VPS35L: variants seen among roughly 807,000 people sequenced by gnomAD.
VPS35L encodes the protein VPS35 endosomal protein sorting factor like.
Under a neutral mutation model 133.0 loss-of-function variants are expected in VPS35L, and 83 were observed. That is an observed-to-expected ratio of 0.62 (90% CI 0.52 to 0.75). The LOEUF (loss-of-function observed/expected upper bound fraction) is 0.75. Among genes scored for constraint, VPS35L ranks in the 30% least tolerant of loss-of-function variants. The pLI is 0.00. For synonymous variants in VPS35L, 423 were observed against 449.9 expected (o/e 0.94, Z 0.76); for missense variants, 1,083 against 1,206.8 (o/e 0.90, Z 1.52).
intron 26 of VPS35L, among the ~76,000 whole-genome samples, chr16:19,663,875 T>C (rs567403055): frequency 6.6e-6 from 1 of 152,232 alleles, no homozygotes; most frequent in African/African-American, 2.4e-5. Context: ...TTTCAGCTTC[T>C]GTCTGCATCT....
At chr16:19,642,074 G>A (rs1206781712) in intron 21 of VPS35L, among the ~76,000 whole-genome samples, 1 of 152,156 alleles carries the variant, frequency 6.6e-6, no homozygotes, top group African/African-American at 2.4e-5. Flanking sequence ...GCTGGGTGTG[G>A]TGACGCACGT....
intron 27 of VPS35L, among the ~76,000 whole-genome samples, chr16:19,680,147 C>T (rs1975217488): frequency 6.6e-6 from 1 of 152,200 alleles, no homozygotes. Flanking sequence ...CCTTGGGCCA[C>T]TTACCCTCTC....
chr16:19,653,517 G>A lies in VPS35L; in HGVS notation c.2221+1427G>A, dbSNP rs9934838. On this transcript the variant is annotated intron_variant, in intron 26 of 30. Transcript: ENST00000417362. ...ACTTGCTTGGGGTAGATCCACTCCT[G>A]AGTCACTGAACCAGCTCTCAGCCCC... 8.1e-3 allele frequency among the ~76,000 whole-genome samples: 1,240 copies of A among 152,292 alleles called. 17 individuals are homozygous for A. Among genetic ancestry groups the A allele is most frequent in the African/African-American group, 0.028 (1,158 of 41,554 alleles).
chr16:19,639,939 A>C lies in VPS35L; in HGVS notation c.1699-76A>C. The C allele has an allele frequency of 7.7e-7, 1 of 1,302,994 alleles. No homozygotes were observed. The highest frequency in any genetic ancestry group is 1.9e-5 in the Admixed American group (1 of 52,176). 80.7% of individuals were successfully genotyped at this position (1,302,994 alleles called of 1,614,324 possible). On this transcript the variant is annotated intron_variant, in intron 20 of 30. Transcript: ENST00000417362. The surrounding 1 kb of genome is among the most constrained non-coding windows in gnomAD (Gnocchi z 4.1). ...TCTGTTCTGCTTCTTTGAACTCCAC[A>C]GAAAAAGAGACCCACAGATTCCTTC...
intron 27 of VPS35L, among the ~76,000 whole-genome samples, chr16:19,673,181 A>C (rs1459024628): frequency 6.6e-6 from 1 of 152,246 alleles, no homozygotes; most frequent in African/African-American, 2.4e-5. Flanking sequence ...CCCTGGGATT[A>C]CAGATTGATG....
At chr16:19,570,882 TA>T (rs1567388868) in intron 3 of VPS35L, among the ~76,000 whole-genome samples, 53 of 96,648 alleles carry the variant, frequency 5.5e-4, no homozygotes, top group Non-Finnish European at 9.3e-4. Flanking sequence ...TATATATATA[TA>T]TATATATTTT....
At chr16:19,660,181 C>T (rs1480339084) in intron 26 of VPS35L, among the ~76,000 whole-genome samples, 3 of 151,818 alleles carry the variant, frequency 2.0e-5, no homozygotes, top group Non-Finnish European at 4.4e-5. Context: ...AAAAATTAGC[C>T]GGGCGTGGTG....
intron 8 of VPS35L, among the ~76,000 whole-genome samples, chr16:19,596,276 A>G (rs1028009719): frequency 3.2e-5 from 3 of 94,198 alleles, no homozygotes; most frequent in East Asian, 4.7e-4. Flanking sequence ...GGGAATGCAT[A>G]TACCATTTTT....
chr16:19,561,350 G>A (rs226883), intron 1 of VPS35L, among the ~76,000 whole-genome samples: 15,535 of 152,136 alleles, frequency 0.1, 890 homozygotes, highest in African/African-American at 0.16. Flanking sequence ...CAGCCTGGGC[G>A]ACAGAGTGAG....
chr16:19,647,347 TACTA>T (rs1184871264), intron 23 of VPS35L, among the ~76,000 whole-genome samples: 1 of 152,240 alleles, frequency 6.6e-6, no homozygotes, highest in Admixed American at 6.5e-5. Context: ...AAGTTTTTCT[TACTA>T]ACCAGCTATT....
chr16:19,575,580 C>T (rs1971504920), intron 5 of VPS35L, among the ~76,000 whole-genome samples: 1 of 146,758 alleles, frequency 6.8e-6, no homozygotes, highest in South Asian at 2.2e-4. Flanking sequence ...AAAAAAAATA[C>T]AGCCGGGCAC....
intron 27 of VPS35L, among the ~76,000 whole-genome samples, chr16:19,674,184 C>CTTTATCT (rs764022611): frequency 1.4e-5 from 1 of 70,906 alleles, no homozygotes; most frequent in African/African-American, 6.3e-5. Flanking sequence ...TTTTCTTTTT[C>CTTTATCT]TTTTTTTTTT....
chr16:19,588,055 C>T (rs1052282950), intron 7 of VPS35L, among the ~76,000 whole-genome samples: 1 of 151,760 alleles, frequency 6.6e-6, no homozygotes, highest in Non-Finnish European at 1.5e-5. Context: ...CCACCTCGGC[C>T]TCCCAAAGTG....
chr16:19,610,221 C>T (rs1360083963), intron 11 of VPS35L, 101 bp from the exon 12 acceptor site: 2 of 983,858 alleles, frequency 2.0e-6, no homozygotes, highest in Non-Finnish European at 3.0e-6. Flanking sequence ...ATTTTTCCCC[C>T]CCTCCCTGAA....
chr16:19,614,036 G>T (rs928498091), intron 12 of VPS35L, among the ~76,000 whole-genome samples: 2 of 151,722 alleles, frequency 1.3e-5, no homozygotes, highest in African/African-American at 4.9e-5. Flanking sequence ...GGTAGAGCGT[G>T]GGGGGAGCTT....
intron 15 of VPS35L, 63 bp downstream of exon 15, chr16:19,626,286 T>G (rs1973259378): frequency 1.6e-6 from 2 of 1,244,118 alleles, no homozygotes; most frequent in African/African-American, 3.0e-5. Context: ...ATTTTTGAGC[T>G]TGGCCTGCTT....
intron 14 of VPS35L, among the ~76,000 whole-genome samples, chr16:19,621,588 T>C (rs1287415292): frequency 2.6e-5 from 4 of 152,216 alleles, no homozygotes; most frequent in Non-Finnish European, 5.9e-5. Context: ...TTTTCAGTGG[T>C]TGATCCCAGC....
chr16:19,584,586 C>G (rs1971806082), intron 7 of VPS35L, among the ~76,000 whole-genome samples: 1 of 144,772 alleles, frequency 6.9e-6, no homozygotes, highest in African/African-American at 2.6e-5. Context: ...AAGATTGCAC[C>G]ATTGCACTCC....
chr16:19,682,405 C>G lies in VPS35L; in HGVS notation c.2527+15C>G, dbSNP rs752231877. 1 of 1,611,364 alleles carries G rather than the reference C, an allele frequency of 6.2e-7. No individual in the cohort carries two copies. The highest frequency in any genetic ancestry group is 8.5e-7 in the Non-Finnish European group (1 of 1,178,124). ...CATAGACAAAGGTAGCAGAGCCTCC[C>G]CCACCAAACCATGCTCCGCATGGAT... On this transcript the variant is annotated intron_variant, in intron 28 of 30. Transcript: ENST00000417362.
Sources: gnomAD v4.1 joint callset for allele counts (sites outside exome capture counted in the v4.1 genomes callset) on GRCh38, gnomAD v4.1.1 for gene constraint, Gnocchi (gnomAD v3.1) non-coding constraint, MANE v1.5 for transcripts, NCBI Gene and HGNC (gene_info 2026-07-23, HGNC 2026-07-21) for gene names.